Variants in KDM5A observed in about 807,000 individuals in gnomAD.
KDM5A encodes the protein lysine-specific demethylase 5A.
KDM5A carries 42 observed loss-of-function variants against 193.5 expected under a neutral mutation model. The observed-to-expected ratio is 0.22, with a 90% CI of 0.17 to 0.28. The LOEUF is 0.28. Ranked by LOEUF, KDM5A falls within the 10% of genes least tolerant of loss-of-function variation. The pLI, the probability that KDM5A is intolerant of heterozygous loss-of-function variation, is 1.00. For missense variants in KDM5A, 1,692 were observed against 2,055.1 expected (o/e 0.82, Z 3.42); for synonymous variants, 796 against 718.1 (o/e 1.11, Z -1.73).
rs1943166993 is a variant in KDM5A, at chr12:282,453, G to C, written c.*3003C>G. ...TGGTGTGCAGCAGCTTAGTGAGGAA[G>C]TCATGCATCTACACATCAACATGGC... On this transcript the variant is annotated 3_prime_UTR_variant, in exon 28 of 28. Transcript: ENST00000399788. The C allele has an allele frequency of 4.3e-6, 1 of 232,900 alleles. No homozygotes were observed. The highest frequency in any genetic ancestry group is 8.5e-6 in the Non-Finnish European group (1 of 117,988). The allele number at this position is 232,900 out of a possible 1,614,324, so 14.4% of individuals were successfully genotyped here.
chr12:295,731 G>C lies in KDM5A; in HGVS notation c.4297C>G (p.Pro1433Ala). The change falls in exon 26 of 28, where the codon CCA (proline) becomes GCA (alanine). Residue 1433 changes from proline to alanine, a missense_variant. Transcript: ENST00000399788. The part of the protein sequence containing the change: ...SPLVPRSLEP[P>A]VLELSPGAKA... ...GCTCCAGGTGACAACTCCAGCACTGGAGGTTCCAAACTTCGGGGCACCAAA... is the reference window on the plus strand; with the variant it reads ...GCTCCAGGTGACAACTCCAGCACTGCAGGTTCCAAACTTCGGGGCACCAAA... 6.2e-7 allele frequency: 1 copy of C among 1,614,080 alleles called. No homozygotes were observed.
chr12:382,470 A>C (rs974983025), intron 3 of KDM5A, among the ~76,000 whole-genome samples: 9 of 152,048 alleles, frequency 5.9e-5, no homozygotes, highest in African/African-American at 2.2e-4. Flanking sequence ...TTTCAAAAAA[A>C]AAAAAAAGTG....
intron 19 of KDM5A, 70 bp downstream of exon 19, chr12:318,036 A>T: frequency 8.8e-7 from 1 of 1,139,912 alleles, no homozygotes; most frequent in Non-Finnish European, 1.3e-6. Context: ...ATAAGCTTTT[A>T]AGTTCCTTCT....
intron 27 of KDM5A, among the ~76,000 whole-genome samples, 190 bp from the exon 28 acceptor site, chr12:285,852 C>T (rs1188334202): frequency 6.6e-6 from 1 of 152,162 alleles, no homozygotes; most frequent in African/African-American, 2.4e-5. Flanking sequence ...TATATTTCAC[C>T]ATAGTGTGTC....
At position 322,479 on chromosome 12, in the gene KDM5A, T is replaced by G. The variant is rs369603146; in HGVS notation, c.2364A>C (p.Val788=). 7 of 1,613,828 alleles carry G rather than the reference T, an allele frequency of 4.3e-6. No individual in the cohort carries two copies. The highest frequency in any genetic ancestry group is 5.9e-6 in the Non-Finnish European group (7 of 1,179,948). ...NDLFRKLRDA[V]KEAETCASVA... ...CAGAAGCACAGGTCTCAGCTTCTTTTACAGCATCCCTGAGTTTTCGAAAGA... is the reference window on the plus strand; with the variant it reads ...CAGAAGCACAGGTCTCAGCTTCTTTGACAGCATCCCTGAGTTTTCGAAAGA... The change falls in exon 17 of 28, where the codon GTA becomes GTC. Residue 788 remains valine (V), a synonymous_variant. Coordinates refer to ENST00000399788, the MANE Select transcript of KDM5A (RefSeq NM_001042603.3).
chr12:324,703 T>C (rs1197065755), intron 14 of KDM5A, among the ~76,000 whole-genome samples: 1 of 151,580 alleles, frequency 6.6e-6, no homozygotes, highest in Non-Finnish European at 1.5e-5. Flanking sequence ...CAAAACTTCA[T>C]CTCTACTAAA....
rs34704738 is a variant in KDM5A, at chr12:389,101, C to CG, written c.-11dup. ...GCCCCACGCCCGCCATTGCAACGGCCGGGGGGGGGGGGGGGTCCCCGTGGG... is the reference window on the plus strand; with the variant it reads ...GCCCCACGCCCGCCATTGCAACGGCCGGGGGGGGGGGGGGGGTCCCCGTGGG... On this transcript the variant is annotated 5_prime_UTR_variant, in exon 1 of 28. Transcript: ENST00000399788. 450 of 1,293,500 alleles carry CG rather than the reference C, an allele frequency of 3.5e-4. 3 individuals carry two copies. The highest frequency in any genetic ancestry group is 1.0e-3 in the African/African-American group (62 of 62,254). 80.1% of individuals were successfully genotyped at this position (1,293,500 alleles called of 1,614,324 possible). A position where few individuals can be genotyped will look rare whatever the true frequency, so the allele number is the denominator to read the frequency against.
intron 27 of KDM5A, among the ~76,000 whole-genome samples, chr12:292,260 T>A (rs1008785277): frequency 1.3e-5 from 2 of 152,168 alleles, no homozygotes; most frequent in African/African-American, 4.8e-5. Context: ...TTGAAGAAAA[T>A]CATATTCCAT....
At chr12:312,957 G>A (rs562101694) in intron 20 of KDM5A, 99 bp downstream of exon 20, 2 of 1,310,970 alleles carry the variant, frequency 1.5e-6, no homozygotes, top group East Asian at 2.4e-5. Flanking sequence ...GGGATCGTTT[G>A]TATTATGATT....
chr12:312,952 C>A, intron 20 of KDM5A, 104 bp downstream of exon 20: 1 of 1,257,062 alleles, frequency 8.0e-7, no homozygotes, highest in South Asian at 1.2e-5. Context: ...AGTTAGGGAT[C>A]GTTTGTATTA....
intron 24 of KDM5A, among the ~76,000 whole-genome samples, 200 bp downstream of exon 24, chr12:306,743 CAAA>C (rs371480095): frequency 5.4e-5 from 5 of 92,976 alleles, no homozygotes; most frequent in Non-Finnish European, 4.6e-5. Context: ...ACTCCATCTC[CAAA>C]AAAAAAAAAA....
intron 10 of KDM5A, among the ~76,000 whole-genome samples, chr12:342,536 T>C (rs968096255): frequency 5.9e-5 from 9 of 152,000 alleles, no homozygotes; most frequent in Non-Finnish European, 1.0e-4. Context: ...CTCGGCTCAC[T>C]GCAACCTCCG....
chr12:377,709 G>A (rs1944524605), intron 3 of KDM5A, among the ~76,000 whole-genome samples: 1 of 152,098 alleles, frequency 6.6e-6, no homozygotes, highest in South Asian at 2.1e-4. Context: ...CATGAAATTA[G>A]CAGAAGAAAT....
At chr12:286,710 T>C (rs908724584) in intron 27 of KDM5A, among the ~76,000 whole-genome samples, 4 of 152,204 alleles carry the variant, frequency 2.6e-5, no homozygotes, top group Admixed American at 1.3e-4. Context: ...ATGAGTTTCA[T>C]TCATAGCAAC....
chr12:291,010 C>G (rs1183725545), intron 27 of KDM5A, among the ~76,000 whole-genome samples: 3 of 152,032 alleles, frequency 2.0e-5, no homozygotes, highest in African/African-American at 7.2e-5. Context: ...CTTTGATACC[C>G]AAAGAGAAAG....
chr12:352,502 C>T (rs1944176494), intron 8 of KDM5A, among the ~76,000 whole-genome samples, 178 bp from the exon 9 acceptor site: 1 of 152,166 alleles, frequency 6.6e-6, no homozygotes, highest in South Asian at 2.1e-4. Flanking sequence ...TTTTCTAGAG[C>T]CTCAACTTCA....
intron 27 of KDM5A, among the ~76,000 whole-genome samples, chr12:290,680 G>A (rs1415593042): frequency 6.6e-6 from 1 of 151,724 alleles, no homozygotes. Flanking sequence ...CTTTGAATAG[G>A]CAGGGCACCT....
intron 27 of KDM5A, among the ~76,000 whole-genome samples, chr12:288,388 A>C (rs1943247986): frequency 6.6e-6 from 1 of 152,228 alleles, no homozygotes; most frequent in Non-Finnish European, 1.5e-5. Flanking sequence ...CAAATATTAA[A>C]TGATAGGAGA....
intron 24 of KDM5A, among the ~76,000 whole-genome samples, chr12:298,946 T>C (rs1328105098): frequency 6.6e-6 from 1 of 151,468 alleles, no homozygotes; most frequent in Non-Finnish European, 1.5e-5. Flanking sequence ...GAAGAAAGGA[T>C]ATCAGAGATT....
Sources: gnomAD v4.1 joint callset for allele counts (sites outside exome capture counted in the v4.1 genomes callset) on GRCh38, gnomAD v4.1.1 for gene constraint, MANE v1.5 for transcripts, NCBI Gene and HGNC (gene_info 2026-07-23, HGNC 2026-07-21) for gene names.